ERC2: variants seen among roughly 807,000 people sequenced by gnomAD.
The protein encoded by ERC2 is ELKS/RAB6-interacting/CAST family member 2, also known as ERC protein 2.
Under a neutral mutation model 114.8 loss-of-function variants are expected in ERC2, and 42 were observed. The ratio of observed to expected loss-of-function variants is 0.37; its 90% CI spans 0.29 to 0.47. The LOEUF is 0.47. Ranked by LOEUF, ERC2 falls within the 20% of genes least tolerant of loss-of-function variation. The pLI is 0.99. For missense variants in ERC2, 939 were observed against 1,150.7 expected (o/e 0.82, Z 2.66); for synonymous variants, 454 against 425.5 (o/e 1.07, Z -0.82).
intron 3 of ERC2, among the ~76,000 whole-genome samples, chr3:56,203,967 G>A (rs906342896): frequency 6.6e-6 from 1 of 151,882 alleles, no homozygotes; most frequent in East Asian, 1.9e-4. Flanking sequence ...GAATCACGAG[G>A]TCAGGAGTTC....
At chr3:55,764,165 T>C (rs967974203) in intron 14 of ERC2, among the ~76,000 whole-genome samples, 5 of 152,252 alleles carry the variant, frequency 3.3e-5, no homozygotes, top group African/African-American at 9.6e-5. Context: ...AGTTCTGCAG[T>C]GCTCTCCAAA....
At chr3:56,028,694 G>A (rs2074194954) in intron 7 of ERC2, among the ~76,000 whole-genome samples, 1 of 152,002 alleles carries the variant, frequency 6.6e-6, no homozygotes, top group African/African-American at 2.4e-5. Flanking sequence ...ACTAGTTCTG[G>A]GAGTGAGGTG....
chr3:56,249,552 T>C (rs2051981527), intron 3 of ERC2, among the ~76,000 whole-genome samples: 1 of 152,076 alleles, frequency 6.6e-6, no homozygotes, highest in Admixed American at 6.5e-5. Context: ...GGTCTCGATC[T>C]CCTGACCTTG....
intron 14 of ERC2, among the ~76,000 whole-genome samples, chr3:55,801,881 G>A (rs1474720506): frequency 2.0e-5 from 3 of 152,230 alleles, no homozygotes; most frequent in Non-Finnish European, 4.4e-5. Context: ...TGGAGGGTTT[G>A]TTACAACACA....
intron 13 of ERC2, among the ~76,000 whole-genome samples, chr3:55,946,118 T>C (rs1055466920): frequency 2.0e-5 from 3 of 151,998 alleles, no homozygotes; most frequent in African/African-American, 7.2e-5. Flanking sequence ...CATCCCATTC[T>C]GGAAATGACG....
At chr3:55,582,537 G>A (rs1434979286) in intron 17 of ERC2, among the ~76,000 whole-genome samples, 2 of 152,172 alleles carry the variant, frequency 1.3e-5, no homozygotes, top group Non-Finnish European at 2.9e-5. Context: ...TTAAATGAAT[G>A]ATCTATCTCA....
At chr3:55,513,227 G>A (rs1050373976) in intron 17 of ERC2, among the ~76,000 whole-genome samples, 1 of 152,218 alleles carries the variant, frequency 6.6e-6, no homozygotes, top group African/African-American at 2.4e-5. Flanking sequence ...TTACAACCCT[G>A]TTTATAATCC....
intron 2 of ERC2, among the ~76,000 whole-genome samples, chr3:56,333,925 A>T (rs1358670491): frequency 6.6e-6 from 1 of 152,202 alleles, no homozygotes; most frequent in Non-Finnish European, 1.5e-5. Flanking sequence ...TCTTATATAT[A>T]ACCCACTCTC....
chr3:56,378,477 C>A (rs1427843499), intron 2 of ERC2, among the ~76,000 whole-genome samples: 2 of 135,194 alleles, frequency 1.5e-5, no homozygotes, highest in Non-Finnish European at 1.6e-5. Flanking sequence ...TGCTACATGA[C>A]GAGTTGGTGG....
chr3:55,817,063 T>G (rs2059929092), intron 14 of ERC2, among the ~76,000 whole-genome samples: 1 of 152,160 alleles, frequency 6.6e-6, no homozygotes, highest in Non-Finnish European at 1.5e-5. Flanking sequence ...GTAAGGCTTG[T>G]AGGACAGGAG....
At chr3:55,627,962 C>A (rs1033845011) in intron 17 of ERC2, among the ~76,000 whole-genome samples, 1 of 138,290 alleles carries the variant, frequency 7.2e-6, no homozygotes, top group East Asian at 2.2e-4. Context: ...TTAGTGGTTA[C>A]TGATATATTT....
chr3:56,318,905 T>C (rs2056995152), intron 2 of ERC2, among the ~76,000 whole-genome samples: 1 of 143,898 alleles, frequency 6.9e-6, no homozygotes, highest in African/African-American at 2.6e-5. Context: ...AAGGCTTCAG[T>C]GAGTTGTGAT....
At chr3:55,648,435 G>A (rs1031633370) in intron 17 of ERC2, among the ~76,000 whole-genome samples, 2 of 152,120 alleles carry the variant, frequency 1.3e-5, no homozygotes, top group Non-Finnish European at 2.9e-5. Flanking sequence ...AGTGATAAAG[G>A]ACTTTACGTG....
At chr3:55,646,941 G>A (rs960911508) in intron 17 of ERC2, 1 of 152,122 alleles carries the variant, frequency 6.6e-6, no homozygotes, top group Non-Finnish European at 1.5e-5. Flanking sequence ...AGTCCTAAAA[G>A]ATATGCTCCC....
chr3:56,382,194 C>T (rs865858329), intron 2 of ERC2, among the ~76,000 whole-genome samples: 3 of 152,136 alleles, frequency 2.0e-5, no homozygotes, highest in Admixed American at 6.5e-5. Flanking sequence ...TGCCCCAACA[C>T]GTGTGCCTAC....
intron 2 of ERC2, among the ~76,000 whole-genome samples, chr3:56,406,949 A>T (rs9817231): frequency 0.45 from 68,048 of 152,050 alleles, 16,286 homozygotes; most frequent in African/African-American, 0.6. Flanking sequence ...AATGAGAATC[A>T]GGCTTTTCTA....
At chr3:55,796,920 C>G (rs527249159) in intron 14 of ERC2, among the ~76,000 whole-genome samples, 1 of 152,178 alleles carries the variant, frequency 6.6e-6, no homozygotes, top group Non-Finnish European at 1.5e-5. Context: ...AAAGGGGAAA[C>G]AAAAAGGCCA....
At chr3:56,074,959 G>T (rs1201557856) in intron 7 of ERC2, among the ~76,000 whole-genome samples, 2 of 152,164 alleles carry the variant, frequency 1.3e-5, no homozygotes, top group African/African-American at 4.8e-5. Flanking sequence ...TGATCAAGGA[G>T]CATCACATGC....
chr3:55,899,611 C>G (rs1185754532), intron 13 of ERC2, among the ~76,000 whole-genome samples: 1 of 152,052 alleles, frequency 6.6e-6, no homozygotes, highest in Non-Finnish European at 1.5e-5. Context: ...ATATTAAACA[C>G]TAAGCAAAAA....
Sources: allele counts gnomAD v4.1 joint callset (sites outside exome capture counted in the v4.1 genomes callset), GRCh38; gene constraint gnomAD v4.1.1; transcripts MANE v1.5; gene names NCBI Gene and HGNC (gene_info 2026-07-23, HGNC 2026-07-21).